The following NNT variants were observed in gnomAD, a reference collection of about 807,000 sequenced individuals.
The protein encoded by NNT is NAD(P) transhydrogenase, mitochondrial.
In NNT, 50 loss-of-function variants were observed where a neutral mutation model predicts 104.8. That is an observed-to-expected ratio of 0.48 (90% CI 0.38 to 0.60). The LOEUF (loss-of-function observed/expected upper bound fraction) is 0.60, where lower values mean the gene tolerates loss of function less well. NNT is among the 20% of genes least tolerant of loss of function. The pLI is 0.00. For synonymous variants in NNT, 461 were observed against 490.4 expected (o/e 0.94, Z 0.79); for missense variants, 1,131 against 1,330.7 (o/e 0.85, Z 2.33).
At chr5:43,618,965 T>G in intron 4 of NNT, 67 bp from the exon 5 acceptor site, 3 of 904,264 alleles carry the variant, frequency 3.3e-6, no homozygotes, top group Non-Finnish European at 4.7e-6. Flanking sequence ...TGACTTATGA[T>G]GATATGTGAG....
At chr5:43,606,753 C>G (rs1561257382) in intron 1 of NNT, among the ~76,000 whole-genome samples, 1 of 152,144 alleles carries the variant, frequency 6.6e-6, no homozygotes, top group Admixed American at 6.5e-5. Flanking sequence ...CTCTGTTACT[C>G]TACTTTGTAG....
intron 1 of NNT, among the ~76,000 whole-genome samples, chr5:43,605,177 C>T (rs1749139425): frequency 6.6e-6 from 1 of 152,086 alleles, no homozygotes; most frequent in South Asian, 2.1e-4. Context: ...GGGAAATAAC[C>T]CATATAAGTT....
intron 17 of NNT, chr5:43,666,797 C>A: frequency 7.6e-7 from 1 of 1,315,132 alleles, no homozygotes; most frequent in Non-Finnish European, 1.1e-6. Context: ...GCCTCGGTAC[C>A]TTTGGGAGCC....
chr5:43,666,112 G>A (rs1216932925), intron 17 of NNT, among the ~76,000 whole-genome samples: 1 of 151,856 alleles, frequency 6.6e-6, no homozygotes, highest in East Asian at 2.0e-4. Context: ...TCCCGGACTG[G>A]GCGGCCGGGC....
chr5:43,628,134 T>C, intron 6 of NNT, 66 bp from the exon 7 acceptor site: 1 of 1,228,792 alleles, frequency 8.1e-7, no homozygotes. Context: ...TATATGTAAA[T>C]GATGATCTTG....
intron 7 of NNT, among the ~76,000 whole-genome samples, chr5:43,632,955 A>G (rs1481894762): frequency 2.0e-5 from 3 of 152,176 alleles, no homozygotes; most frequent in Admixed American, 6.5e-5. Flanking sequence ...AGAAGGAATC[A>G]TGGTGATTTT....
At chr5:43,617,355 T>C (rs544962450) in intron 4 of NNT, among the ~76,000 whole-genome samples, 11 of 152,330 alleles carry the variant, frequency 7.2e-5, no homozygotes, top group African/African-American at 2.6e-4. Context: ...GGCAGGATTG[T>C]GCAGAAACAT....
chr5:43,698,042 C>T (rs1441946961), intron 19 of NNT, among the ~76,000 whole-genome samples: 6 of 151,644 alleles, frequency 4.0e-5, no homozygotes, highest in Admixed American at 3.3e-4. Flanking sequence ...CAACTATAGA[C>T]CTTGGAAAAA....
intron 17 of NNT, among the ~76,000 whole-genome samples, chr5:43,674,233 G>T (rs1741286379): frequency 6.6e-6 from 1 of 152,050 alleles, no homozygotes; most frequent in Non-Finnish European, 1.5e-5. Flanking sequence ...CATCATCTTT[G>T]AAATTTACGT....
At chr5:43,611,363 G>C (rs986831066) in intron 2 of NNT, among the ~76,000 whole-genome samples, 2 of 152,130 alleles carry the variant, frequency 1.3e-5, no homozygotes, top group African/African-American at 4.8e-5. Flanking sequence ...TATTTGGTCA[G>C]TGGAAGCCCT....
At chr5:43,659,409 C>T in intron 17 of NNT, 59 bp downstream of exon 17, 1 of 1,359,674 alleles carries the variant, frequency 7.4e-7, no homozygotes, top group Admixed American at 2.2e-5. Context: ...CATGGATGTG[C>T]ATGTCATTTC....
At chr5:43,656,498 A>G (rs1740055009) in intron 15 of NNT, among the ~76,000 whole-genome samples, 155 bp from the exon 16 acceptor site, 1 of 152,200 alleles carries the variant, frequency 6.6e-6, no homozygotes, top group Non-Finnish European at 1.5e-5. Context: ...AGAAATTTGC[A>G]TGGAGGGACT....
At chr5:43,699,324 A>G (rs1241133643) in intron 19 of NNT, among the ~76,000 whole-genome samples, 2 of 144,186 alleles carry the variant, frequency 1.4e-5, no homozygotes, top group Non-Finnish European at 3.0e-5. Flanking sequence ...CTTTAACATC[A>G]TGTGTATGAC....
chr5:43,686,378 G>GT (rs534467781), intron 19 of NNT, among the ~76,000 whole-genome samples: 1 of 152,046 alleles, frequency 6.6e-6, no homozygotes, highest in South Asian at 2.1e-4. Context: ...AAATTTGACT[G>GT]TATCAAAATA....
chr5:43,660,596 G>A (rs571771653), intron 17 of NNT, among the ~76,000 whole-genome samples: 1 of 152,314 alleles, frequency 6.6e-6, no homozygotes, highest in South Asian at 2.1e-4. Context: ...AATTTATGAA[G>A]TAAAGAGGTT....
At chr5:43,645,041 C>G (rs1050278911) in intron 9 of NNT, among the ~76,000 whole-genome samples, 1 of 152,078 alleles carries the variant, frequency 6.6e-6, no homozygotes, top group Non-Finnish European at 1.5e-5. Flanking sequence ...CGGAGATGAA[C>G]AAACAAATTG....
rs143411346 is a variant in NNT at position 43,656,012 on chromosome 5, C to T, written c.2232C>T (p.Leu744=). The T allele has an allele frequency of 1.7e-5, 28 of 1,614,076 alleles. No individual in the cohort carries two copies. The highest frequency in any genetic ancestry group is 6.7e-5 in the African/African-American group (5 of 74,928). ...AANLTKIVAY[L]GTYIGGVTFS... ...ATCTCACCAAGATTGTGGCCTACCT[C>T]GGCACTTACATTGGTGGCGTCACCT... Residue 744 remains leucine (L), a synonymous_variant, in exon 15 of 22, where the codon CTC becomes CTT. Coordinates refer to ENST00000344920, the MANE Select transcript of NNT (RefSeq NM_182977.3).
At chr5:43,630,388 T>C (rs1202817444) in intron 7 of NNT, among the ~76,000 whole-genome samples, 1 of 152,260 alleles carries the variant, frequency 6.6e-6, no homozygotes, top group Non-Finnish European at 1.5e-5. Context: ...TTTGAAGTTC[T>C]ACCAGAGAGA....
chr5:43,604,107 G>A (rs146340034), intron 1 of NNT, among the ~76,000 whole-genome samples: 1 of 152,296 alleles, frequency 6.6e-6, no homozygotes, highest in Non-Finnish European at 1.5e-5. Flanking sequence ...GTGAGGTCAC[G>A]GCGCCTGCCA....
Sources: allele counts gnomAD v4.1 joint callset (sites outside exome capture counted in the v4.1 genomes callset), GRCh38; gene constraint gnomAD v4.1.1; transcripts MANE v1.5; gene names NCBI Gene and HGNC (gene_info 2026-07-23, HGNC 2026-07-21).